PKHD1: variants seen among roughly 807,000 people sequenced by gnomAD.
PKHD1 encodes the protein PKHD1 ciliary IPT domain containing fibrocystin/polyductin.
A neutral mutation model predicts 412.0 loss-of-function variants in PKHD1; 291 were observed. That is an observed-to-expected ratio of 0.71 (90% CI 0.64 to 0.78). The LOEUF (loss-of-function observed/expected upper bound fraction) is 0.78, where lower values mean the gene tolerates loss of function less well. Among genes scored for constraint, PKHD1 ranks in the 30% least tolerant of loss-of-function variants. PKHD1 has a pLI of 0.00. For synonymous variants in PKHD1, 1,777 were observed against 1,821.5 expected, an observed-to-expected ratio of 0.98 and a Z score of 0.62; for missense variants, 4,825 against 4,950.7, an observed-to-expected ratio of 0.97 and a Z score of 0.76.
intron 52 of PKHD1, among the ~76,000 whole-genome samples, chr6:51,805,342 A>G (rs1383876592): frequency 8.9e-6 from 1 of 112,250 alleles, no homozygotes; most frequent in Non-Finnish European, 2.0e-5. Flanking sequence ...ACACATGGAC[A>G]TAGAAATGAA....
intron 66 of PKHD1, among the ~76,000 whole-genome samples, chr6:51,623,583 C>CTATTTTTTT (rs112642897): frequency 0.024 from 3,656 of 151,852 alleles, 62 homozygotes; most frequent in African/African-American, 0.047. Context: ...TTTTATTTAT[C>CTATTTTTTT]TATTTTTTTT....
chr6:51,721,842 CTCAA>C (rs1438424713), intron 60 of PKHD1: 27 of 1,525,130 alleles, frequency 1.8e-5, no homozygotes, highest in East Asian at 1.2e-4. Flanking sequence ...CCTCCCAGTC[CTCAA>C]TCAATTTCTT....
intron 52 of PKHD1, among the ~76,000 whole-genome samples, chr6:51,801,322 A>G (rs1309151579): frequency 6.6e-6 from 1 of 152,198 alleles, no homozygotes; most frequent in African/African-American, 2.4e-5. Flanking sequence ...TGTCAAGTAG[A>G]CTAATTTACT....
intron 28 of PKHD1, among the ~76,000 whole-genome samples, chr6:52,034,968 A>G (rs1803703699): frequency 6.6e-6 from 1 of 152,146 alleles, no homozygotes; most frequent in Non-Finnish European, 1.5e-5. Context: ...AGTCAACTCT[A>G]AATAGAAAGT....
chr6:51,707,910 T>G (rs887014713), intron 60 of PKHD1, among the ~76,000 whole-genome samples: 1 of 152,124 alleles, frequency 6.6e-6, no homozygotes, highest in Non-Finnish European at 1.5e-5. Flanking sequence ...TCAATATGCT[T>G]TGTGAGATCG....
chr6:51,858,931 A>C (rs1309687516), intron 48 of PKHD1, among the ~76,000 whole-genome samples: 1 of 152,156 alleles, frequency 6.6e-6, no homozygotes, highest in Non-Finnish European at 1.5e-5. Flanking sequence ...GCTTGATACA[A>C]TCAACCCCAT....
chr6:51,951,450 A>G (rs1446149017), intron 36 of PKHD1, among the ~76,000 whole-genome samples: 2 of 152,092 alleles, frequency 1.3e-5, no homozygotes, highest in Non-Finnish European at 2.9e-5. Context: ...GTTAGCACTG[A>G]CCCAATCTCA....
intron 43 of PKHD1, among the ~76,000 whole-genome samples, chr6:51,903,144 C>CA (rs1474175791): frequency 3.3e-5 from 5 of 152,158 alleles, no homozygotes; most frequent in African/African-American, 1.2e-4. Flanking sequence ...CCTATTGCTT[C>CA]AAAAAAGTGT....
At chr6:51,667,985 C>T (rs1024147032) in intron 60 of PKHD1, among the ~76,000 whole-genome samples, 5 of 152,138 alleles carry the variant, frequency 3.3e-5, no homozygotes, top group African/African-American at 7.2e-5. Context: ...CGCGTGATGC[C>T]TCCAGCTTTG....
intron 19 of PKHD1, 62 bp from the exon 20 acceptor site, chr6:52,054,227 C>G: frequency 1.9e-6 from 3 of 1,544,420 alleles, no homozygotes; most frequent in Non-Finnish European, 1.8e-6. Flanking sequence ...TCAAACAATA[C>G]GTAGTGAGGA....
Position 51,706,256 on chromosome 6 carries a change from AAC to A in PKHD1, c.10156+38127_10156+38128del, listed in dbSNP as rs201567261. 1.8e-3 allele frequency among the ~76,000 whole-genome samples: 274 copies of A among 152,180 alleles called. 3 individuals carry two copies. Among genetic ancestry groups the A allele is most frequent in the African/African-American group, 6.3e-3 (260 of 41,536 alleles). ...TTTCTTCTGATCATAGGTCCACAGG[AAC>A]AGTGTTGTTGACTTACATATTGAAT... On this transcript the variant is annotated intron_variant, in intron 60 of 66. Transcript: ENST00000371117.
rs779808258 is a variant in PKHD1 at position 51,659,897 on chromosome 6, T to C, written c.10229A>G (p.Gln3410Arg). 3 of 1,612,922 alleles carry C rather than the reference T, an allele frequency of 1.9e-6. No homozygotes were observed. In the South Asian group the frequency reaches 3.3e-5, roughly 18 times the overall value. ...AGCGCTATCAAGAATTAGGACCACT[T>C]GGTCAGTCTGTTTGCAGATGAATCC... The part of the protein sequence containing the change: ...MQGFICKQTD[Q>R]VVLILDSADA... Residue 3410 changes from glutamine (Q) to arginine (R), a missense_variant, in exon 61 of 67, where the codon CAA becomes CGA. Physicochemically the swap from Gln to Arg is conservative, Grantham distance 43. Transcript: ENST00000371117.
chr6:51,685,504 T>A (rs554393148), intron 60 of PKHD1, among the ~76,000 whole-genome samples: 61 of 152,174 alleles, frequency 4.0e-4, no homozygotes, highest in Middle Eastern at 3.4e-3. Flanking sequence ...TTAAAAAAAA[T>A]TTTTTTAAAG....
chr6:51,697,262 C>T (rs1201768755), intron 60 of PKHD1, among the ~76,000 whole-genome samples: 1 of 152,122 alleles, frequency 6.6e-6, no homozygotes, highest in East Asian at 1.9e-4. Context: ...TGTGCCTAAC[C>T]AAACACGCTG....
At chr6:51,929,211 A>G (rs1290843577) in intron 37 of PKHD1, among the ~76,000 whole-genome samples, 1 of 152,148 alleles carries the variant, frequency 6.6e-6, no homozygotes, top group African/African-American at 2.4e-5. Context: ...ACCCTACATC[A>G]AAGAACAGAC....
At position 51,836,466 on chromosome 6, in the gene PKHD1, G is replaced by A; in HGVS notation, c.8111C>T (p.Ser2704Leu). The A allele has an allele frequency of 6.2e-7, 1 of 1,610,518 alleles. No individual in the cohort carries two copies. The highest frequency in any genetic ancestry group is 2.2e-5 in the East Asian group (1 of 44,838). Reference protein sequence around the residue: ...SQLRQLTYLVSGEGQVQVILR... With the variant: ...SQLRQLTYLVLGEGQVQVILR... ...AATGACTTGAACTTGGCCTTCACCT[G>A]AAACTAAATACCAAAAGCCACAACT... The change falls in exon 51 of 67, where the codon TCA becomes TTA. Residue 2704 changes from serine to leucine, a missense_variant. Ser to Leu is a moderately radical substitution (Grantham distance 145). Transcript: ENST00000371117.
At chr6:51,891,750 T>A (rs906958105) in intron 43 of PKHD1, among the ~76,000 whole-genome samples, 1 of 122,652 alleles carries the variant, frequency 8.2e-6, no homozygotes, top group Non-Finnish European at 1.8e-5. Context: ...CACACACACA[T>A]TCAGCCAAGC....
Position 51,754,868 on chromosome 6 carries a change from G to C in PKHD1, c.8713C>G (p.Pro2905Ala), listed in dbSNP as rs554971426. The change falls in exon 56 of 67, where the codon CCT becomes GCT. Residue 2905 changes from proline (P) to alanine (A), a missense_variant. Coordinates refer to ENST00000371117, the MANE Select transcript of PKHD1 (RefSeq NM_138694.4). ...ACAGTGAGGACCTCTGCTTCATGAG[G>C]CTCATAAGAAGAGGAGCTAAGGACT... is the stretch of plus-strand genomic sequence containing the variant. ...KIVLSSSSYE[P>A]HEAEVLTVKE... 6.2e-7 allele frequency: 1 copy of C among 1,612,128 alleles called. No individual in the cohort carries two copies. Among genetic ancestry groups the C allele is most frequent in the East Asian group, 2.2e-5 (1 of 44,858 alleles).
At chr6:51,782,660 A>G (rs1264613803) in intron 53 of PKHD1, among the ~76,000 whole-genome samples, 1 of 152,162 alleles carries the variant, frequency 6.6e-6, no homozygotes, top group Non-Finnish European at 1.5e-5. Flanking sequence ...GTACACTTAT[A>G]TTATACACAT....
Sources: gnomAD v4.1 joint callset for allele counts (sites outside exome capture counted in the v4.1 genomes callset) on GRCh38, gnomAD v4.1.1 for gene constraint, MANE v1.5 for transcripts, NCBI Gene and HGNC (gene_info 2026-07-23, HGNC 2026-07-21) for gene names.